BRWD1: variants seen among roughly 807,000 people sequenced by gnomAD.
The protein encoded by BRWD1 is bromodomain and WD repeat-containing protein 1.
BRWD1 carries 82 observed loss-of-function variants against 251.2 expected under a neutral mutation model. The ratio of observed to expected loss-of-function variants is 0.33; its 90% CI spans 0.27 to 0.39. BRWD1 has a LOEUF of 0.39. BRWD1 is among the 10% of genes least tolerant of loss of function. BRWD1 has a pLI of 1.00. For synonymous variants in BRWD1, 918 were observed against 902.8 expected, an observed-to-expected ratio of 1.02 and a Z score of -0.30; for missense variants, 2,233 against 2,711.6, an observed-to-expected ratio of 0.82 and a Z score of 3.92.
chr21:39,305,307 T>A (rs892005098), intron 4 of BRWD1, among the ~76,000 whole-genome samples: 2 of 152,104 alleles, frequency 1.3e-5, no homozygotes, highest in Non-Finnish European at 2.9e-5. Context: ...TACAGTAAGC[T>A]TGCAAAAATC....
chr21:39,315,335 A>G (rs754052993), upstream of BRWD1, among the ~76,000 whole-genome samples: 10 of 151,988 alleles, frequency 6.6e-5, no homozygotes, highest in Non-Finnish European at 1.2e-4. Flanking sequence ...ATAAATGGAC[A>G]TAGATATCTG....
At position 39,193,206 on chromosome 21, in the gene BRWD1, C is replaced by CT. The variant is rs2031643753; in HGVS notation, c.*3052dup. ...AATTTCCTCTTTAGGTGCAGCTCTA[C>CT]TATTTGAAAGGAACCTTTCTGTTGT... On this transcript the variant is annotated 3_prime_UTR_variant, in exon 41 of 41. Transcript: ENST00000342449. 1.0e-6 allele frequency: 1 copy of CT among 984,928 alleles called. No individual in the cohort carries two copies. The highest frequency in any genetic ancestry group is 4.7e-5 in the South Asian group (1 of 21,276). The allele number at this position is 984,928 out of a possible 1,614,324, so 61.0% of individuals were successfully genotyped here. A position where few individuals can be genotyped will look rare whatever the true frequency, so the allele number is the denominator to read the frequency against.
At position 39,313,463 on chromosome 21, in the gene BRWD1, G is replaced by C. The variant is rs964622359; in HGVS notation, c.29C>G (p.Pro10Arg). Residue 10 changes from proline to arginine, a missense_variant, in exon 1 of 41, where the codon CCG becomes CGG. By Grantham distance (103) the Pro-to-Arg change is moderately radical (BLOSUM62 -2). Transcript: ENST00000342449. ...CTTACCCGACTCGATGAGAGGCACCGGGCGTCGGGCGGACGACGGCTCCGC... is the reference window on the plus strand; with the variant it reads ...CTTACCCGACTCGATGAGAGGCACCCGGCGTCGGGCGGACGACGGCTCCGC... MAEPSSARRPVPLIESELYF... is the reference protein window; with the variant it reads MAEPSSARRRVPLIESELYF... 1.5e-6 allele frequency: 2 copies of C among 1,352,324 alleles called. No homozygotes were observed. The allele number at this position is 1,352,324 out of a possible 1,614,324, so 83.8% of individuals were successfully genotyped here.
In BRWD1 at chr21:39,196,871, A is replaced by G. The variant is rs752763049; in HGVS notation, c.6198T>C (p.Asp2066=). 10 of 1,613,838 alleles carry G rather than the reference A, an allele frequency of 6.2e-6. No individual in the cohort carries two copies. The highest frequency in any genetic ancestry group is 3.3e-5 in the South Asian group (3 of 91,074). ...SKSHIPGSET[D]RTFSSESTLA... is the part of the protein sequence containing the mutation. Reference sequence around the variant, plus strand: ...AGGTTGACTCTGAAGAAAATGTCCTATCAGTCTCACTCCCTGGAATATGAC... The same window carrying G: ...AGGTTGACTCTGAAGAAAATGTCCTGTCAGTCTCACTCCCTGGAATATGAC... Residue 2066 remains aspartate, a synonymous_variant, in exon 41 of 41, where the codon GAT becomes GAC. Transcript: ENST00000342449.
At chr21:39,267,505 G>A (rs1056852522) in intron 15 of BRWD1, among the ~76,000 whole-genome samples, 2 of 152,098 alleles carry the variant, frequency 1.3e-5, no homozygotes, top group African/African-American at 4.8e-5. Context: ...AGGCTGAGGC[G>A]GGAGAATGGC....
In BRWD1 at chr21:39,291,094, C is replaced by T. The variant is rs146475312; in HGVS notation, c.831+2717G>A. ...GAGCCATGACTGCACCACAGCACTC[C>T]GCCTGGGCCAAAAACAAAAAACAAA... On this transcript the variant is annotated intron_variant, in intron 8 of 40. Coordinates refer to ENST00000342449, the MANE Select transcript of BRWD1 (RefSeq NM_033656.4). 1.9e-3 allele frequency among the ~76,000 whole-genome samples: 294 copies of T among 152,220 alleles called. 4 individuals are homozygous for T. The highest frequency in any genetic ancestry group is 0.017 in the Admixed American group (258 of 15,290).
chr21:39,245,336 GATTAA>G (rs1243447524), intron 21 of BRWD1, among the ~76,000 whole-genome samples: 4 of 152,222 alleles, frequency 2.6e-5, no homozygotes, highest in East Asian at 3.9e-4. Context: ...TTGCATTACT[GATTAA>G]ATTAATTCTC....
At chr21:39,252,813 GT>G (rs869089218) in intron 19 of BRWD1, among the ~76,000 whole-genome samples, 1 of 109,226 alleles carries the variant, frequency 9.2e-6, no homozygotes, top group Non-Finnish European at 1.8e-5. Flanking sequence ...CAACATTCTG[GT>G]CAATGAGTTA....
At position 39,199,088 on chromosome 21, in the gene BRWD1, T is replaced by C; in HGVS notation, c.5328A>G (p.Ser1776=). ...CTGCCTTAAGTTTCTGCACAGACGT[T>C]GATGGGCCAGCAGTTCTGTTACATG... The part of the protein sequence containing the change: ...DHACNRTAGP[S]TSVQKLKAES... The change falls in exon 40 of 41, where the codon TCA becomes TCG. Residue 1776 remains serine, a synonymous_variant. Transcript: ENST00000342449. The C allele has an allele frequency of 1.2e-6, 2 of 1,614,138 alleles. No individual in the cohort carries two copies. The highest frequency in any genetic ancestry group is 1.7e-6 in the Non-Finnish European group (2 of 1,180,022).
chr21:39,259,431 C>CA (rs2034668428), intron 17 of BRWD1, among the ~76,000 whole-genome samples: 1 of 152,012 alleles, frequency 6.6e-6, no homozygotes. Context: ...GCTGGGACTA[C>CA]AGGTGCCCAC....
In BRWD1 at chr21:39,199,153, A is replaced by C; in HGVS notation, c.5263T>G (p.Ser1755Ala). The change falls in exon 40 of 41, where the codon TCT (serine) becomes GCT (alanine). Residue 1755 changes from serine to alanine, a missense_variant. Ser to Ala is a moderately conservative substitution (Grantham distance 99). Coordinates refer to ENST00000342449, the MANE Select transcript of BRWD1 (RefSeq NM_033656.4). ...TGACTTTTAGAGTCTTCCTCAGAAG[A>C]CTCTATTTTAAGAAATTTTGTCTTT... is the stretch of plus-strand genomic sequence containing the variant. ...PSKTKFLKIE[S>A]SEEDSKSHDS... 1 of 1,613,342 alleles carries C rather than the reference A, an allele frequency of 6.2e-7. No homozygotes were observed. The highest frequency in any genetic ancestry group is 8.5e-7 in the Non-Finnish European group (1 of 1,179,878).
chr21:39,206,821 T>C, intron 36 of BRWD1, among the ~76,000 whole-genome samples: 1 of 152,256 alleles, frequency 6.6e-6, no homozygotes, highest in South Asian at 2.1e-4. Context: ...GTTTTAACAA[T>C]GTTTACAATT....
At chr21:39,198,680 T>A in intron 40 of BRWD1, 83 bp downstream of exon 40, 1 of 1,282,492 alleles carries the variant, frequency 7.8e-7, no homozygotes, top group Non-Finnish European at 1.1e-6. Flanking sequence ...AGGGAAACTT[T>A]TTCGGGGGGA....
At position 39,313,594 on chromosome 21, in the gene BRWD1, GCC is replaced by G. The variant is rs1568987986; in HGVS notation, c.-105_-104del. The G allele has an allele frequency of 1.0e-5, 8 of 777,174 alleles. No homozygotes were observed. The African/African-American group carries it at 1.6e-4, about 16-fold the overall frequency. The allele number at this position is 777,174 out of a possible 1,614,324, so 48.1% of individuals were successfully genotyped here. A position where few individuals can be genotyped will look rare whatever the true frequency, so the allele number is the denominator to read the frequency against. The stretch of plus-strand genomic sequence containing the variant: ...CGTCCCCTCTTCTCAGGCGCGCGCC[GCC>G]GCCGCCGCCGCCGCCGCCATACCGT... On this transcript the variant is annotated 5_prime_UTR_variant, in exon 1 of 41. An upstream open reading frame in the 5' UTR loses its in-frame stop. Transcript: ENST00000342449.
chr21:39,295,706 T>C (rs1444006661), intron 7 of BRWD1, 37 bp downstream of exon 7: 3 of 1,495,042 alleles, frequency 2.0e-6, no homozygotes, highest in Non-Finnish European at 2.7e-6. Context: ...TAAAGTACTC[T>C]AGATGACATC....
At chr21:39,268,220 C>G (rs1173608991) in intron 15 of BRWD1, among the ~76,000 whole-genome samples, 4 of 151,968 alleles carry the variant, frequency 2.6e-5, no homozygotes, top group Admixed American at 6.6e-5. Context: ...CGGGTGATCA[C>G]TTGAAGTCAG....
chr21:39,247,962 C>T (rs999016401), intron 20 of BRWD1, 130 bp from the exon 21 acceptor site: 6 of 1,068,618 alleles, frequency 5.6e-6, no homozygotes, highest in Middle Eastern at 2.2e-4. Context: ...AAGAAGGTAG[C>T]ATTTTTGCCA....
At position 39,313,436 on chromosome 21, in the gene BRWD1, G is replaced by A. The variant is rs1367012244; in HGVS notation, c.49+7C>T. The A allele has an allele frequency of 5.0e-6, 7 of 1,399,902 alleles. No individual in the cohort carries two copies. Among genetic ancestry groups the A allele is most frequent in the South Asian group, 1.5e-5 (1 of 64,536 alleles). 86.7% of individuals were successfully genotyped at this position (1,399,902 alleles called of 1,614,324 possible). On this transcript the variant is annotated splice_region_variant and intron_variant, in intron 1 of 40. Transcript: ENST00000342449. ...CAGGGCGGGGGTGGCACGGCCTCGC[G>A]TCTTACCCGACTCGATGAGAGGCAC...
intron 5 of BRWD1, chr21:39,297,156 A>C (rs2035983361): frequency 1.0e-6 from 1 of 985,344 alleles, no homozygotes. Flanking sequence ...AGGAGATAGC[A>C]GCAGAACATA....
Sources: allele counts gnomAD v4.1 joint callset (sites outside exome capture counted in the v4.1 genomes callset), GRCh38; gene constraint gnomAD v4.1.1; transcripts MANE v1.5; gene names NCBI Gene and HGNC (gene_info 2026-07-23, HGNC 2026-07-21).